The following CACNA2D1 variants were observed in gnomAD, a reference collection of about 807,000 sequenced individuals.
CACNA2D1 encodes calcium voltage-gated channel auxiliary subunit alpha2delta 1.
CACNA2D1 carries 53 observed loss-of-function variants against 171.5 expected under a neutral mutation model. The ratio of observed to expected loss-of-function variants is 0.31; its 90% CI spans 0.25 to 0.39. The LOEUF (loss-of-function observed/expected upper bound fraction) is 0.39, where lower values mean the gene tolerates loss of function less well. CACNA2D1 is among the 10% of genes least tolerant of loss of function. The pLI is 1.00. For missense variants in CACNA2D1, 903 were observed against 1,299.8 expected (o/e 0.69, Z 4.69); for synonymous variants, 442 against 443.1 (o/e 1.00, Z 0.03).
intron 38 of CACNA2D1, among the ~76,000 whole-genome samples, chr7:81,952,002 A>G (rs1554321781): frequency 1.5e-5 from 1 of 67,282 alleles, no homozygotes. Context: ...AACCACATCC[A>G]TTATTTTTTT....
intron 6 of CACNA2D1, among the ~76,000 whole-genome samples, chr7:82,114,057 G>A (rs1462330111): frequency 6.6e-6 from 1 of 152,010 alleles, no homozygotes; most frequent in Non-Finnish European, 1.5e-5. Flanking sequence ...TATTCTCTGA[G>A]ACTATTAAAA....
At chr7:81,984,612 G>A (rs1451036388) in intron 22 of CACNA2D1, 23 bp downstream of exon 22, 2 of 1,359,404 alleles carry the variant, frequency 1.5e-6, no homozygotes, top group East Asian at 2.3e-5. Flanking sequence ...AATGGACCCT[G>A]AAGTCACTTT....
At chr7:82,271,405 CTAAATA>C (rs1377105028) in intron 3 of CACNA2D1, among the ~76,000 whole-genome samples, 2 of 151,996 alleles carry the variant, frequency 1.3e-5, no homozygotes, top group Admixed American at 6.6e-5. Flanking sequence ...CCTTTATCAT[CTAAATA>C]TATAGTTATT....
intron 4 of CACNA2D1, among the ~76,000 whole-genome samples, chr7:82,164,999 T>A (rs932391441): frequency 6.6e-6 from 1 of 151,958 alleles, no homozygotes; most frequent in Non-Finnish European, 1.5e-5. Flanking sequence ...AGTAATCTAC[T>A]CCAGACTAAA....
intron 3 of CACNA2D1, among the ~76,000 whole-genome samples, chr7:82,206,809 ATG>A (rs1175094032): frequency 6.6e-6 from 1 of 152,186 alleles, no homozygotes; most frequent in Non-Finnish European, 1.5e-5. Flanking sequence ...ATATGTTTAT[ATG>A]TGTATGTGTT....
intron 1 of CACNA2D1, among the ~76,000 whole-genome samples, chr7:82,384,029 C>T (rs552679876): frequency 1.3e-5 from 2 of 152,254 alleles, no homozygotes; most frequent in South Asian, 4.1e-4. Context: ...AGTCAAGAGG[C>T]TGTTGAAAAT....
chr7:82,233,755 T>C (rs1052857941), intron 3 of CACNA2D1, among the ~76,000 whole-genome samples: 1 of 152,112 alleles, frequency 6.6e-6, no homozygotes, highest in Non-Finnish European at 1.5e-5. Context: ...AGAGTAGTTA[T>C]ATTTGCATAA....
chr7:82,130,738 T>C (rs1424521592), intron 5 of CACNA2D1, among the ~76,000 whole-genome samples: 1 of 151,346 alleles, frequency 6.6e-6, no homozygotes, highest in Non-Finnish European at 1.5e-5. Flanking sequence ...GGAGGTATAA[T>C]ATTTAAAATA....
chr7:82,186,876 A>C (rs1177078674), intron 3 of CACNA2D1, among the ~76,000 whole-genome samples: 1 of 152,196 alleles, frequency 6.6e-6, no homozygotes, highest in African/African-American at 2.4e-5. Context: ...ATAATCTCTA[A>C]GCCATACCTT....
intron 1 of CACNA2D1, among the ~76,000 whole-genome samples, chr7:82,423,004 G>A (rs1246619667): frequency 6.6e-6 from 1 of 152,082 alleles, no homozygotes; most frequent in Admixed American, 6.5e-5. Context: ...CTGAACATCT[G>A]AACCAAACTT....
intron 18 of CACNA2D1, among the ~76,000 whole-genome samples, chr7:81,999,436 T>A (rs1002540968): frequency 6.6e-6 from 1 of 152,174 alleles, no homozygotes; most frequent in Non-Finnish European, 1.5e-5. Flanking sequence ...AATTTGGTTA[T>A]CAATGGAAAT....
chr7:82,008,184 ATTT>A (rs1483941782), intron 15 of CACNA2D1, among the ~76,000 whole-genome samples: 2 of 151,954 alleles, frequency 1.3e-5, no homozygotes, highest in African/African-American at 4.8e-5. Flanking sequence ...CTTATTCTTT[ATTT>A]TTTATGCCCT....
intron 4 of CACNA2D1, among the ~76,000 whole-genome samples, chr7:82,160,511 T>C (rs1794839275): frequency 6.6e-6 from 1 of 152,116 alleles, no homozygotes; most frequent in Non-Finnish European, 1.5e-5. Context: ...TTTAATAAGA[T>C]TTGGGAGATA....
In CACNA2D1 at chr7:82,143,224, C is replaced by G. The variant is rs548810868; in HGVS notation, c.355-6548G>C. 3.9e-5 allele frequency among the ~76,000 whole-genome samples: 6 copies of G among 152,242 alleles called. No individual in the cohort carries two copies. The South Asian group carries it at 1.2e-3, about 32-fold the overall frequency. ...AAAATAAAGATGGACACAAGACCAT[C>G]TAGAGATAAGTGCTACCATATAACT... On this transcript the variant is annotated intron_variant, in intron 4 of 38. Coordinates refer to ENST00000356860, the MANE Select transcript of CACNA2D1 (RefSeq NM_000722.4).
intron 3 of CACNA2D1, among the ~76,000 whole-genome samples, chr7:82,254,210 A>G (rs1806006783): frequency 6.6e-6 from 1 of 152,082 alleles, no homozygotes; most frequent in African/African-American, 2.4e-5. Context: ...AAACAAAATA[A>G]CTTAACTTTC....
At chr7:82,321,263 G>A (rs775095685) in intron 3 of CACNA2D1, among the ~76,000 whole-genome samples, 14 of 152,192 alleles carry the variant, frequency 9.2e-5, no homozygotes, top group South Asian at 6.2e-4. Context: ...GCCCGGCATG[G>A]TGGTGCGCGC....
At chr7:82,408,149 T>C (rs994886655) in intron 1 of CACNA2D1, among the ~76,000 whole-genome samples, 4 of 151,874 alleles carry the variant, frequency 2.6e-5, no homozygotes, top group African/African-American at 7.2e-5. Context: ...GCCTTCTGAG[T>C]AGCTGGGATT....
rs1487193031 is a variant in CACNA2D1 at position 82,435,059 on chromosome 7, G to A, written c.95+8306C>T. On this transcript the variant is annotated intron_variant, in intron 1 of 38. Transcript: ENST00000356860. ...TTTTTTTTTTTTTTTTTTTTGAGACGGAGTCTCACTCTGTCACCCAGGCTG... is the reference window on the plus strand; with the variant it reads ...TTTTTTTTTTTTTTTTTTTTGAGACAGAGTCTCACTCTGTCACCCAGGCTG... Among the ~76,000 whole-genome samples the A allele has an allele frequency of 8.1e-4, 89 of 109,906 alleles. 1 individual carries two copies. The highest frequency in any genetic ancestry group is 1.8e-3 in the African/African-American group (52 of 28,528). 72.1% of individuals were successfully genotyped at this position (109,906 alleles called of 152,430 possible).
chr7:82,086,888 A>G (rs1810542710), intron 6 of CACNA2D1, among the ~76,000 whole-genome samples: 1 of 152,138 alleles, frequency 6.6e-6, no homozygotes, highest in Non-Finnish European at 1.5e-5. Flanking sequence ...TTATACTTTT[A>G]TAAACTGAGG....
Sources: allele counts gnomAD v4.1 joint callset (sites outside exome capture counted in the v4.1 genomes callset), GRCh38; gene constraint gnomAD v4.1.1; transcripts MANE v1.5; gene names NCBI Gene and HGNC (gene_info 2026-07-23, HGNC 2026-07-21).